Variants in LRRTM4 observed in about 807,000 individuals in gnomAD.
LRRTM4 encodes the protein leucine rich repeat transmembrane neuronal 4.
A neutral mutation model predicts 47.6 loss-of-function variants in LRRTM4; 25 were observed. The observed-to-expected ratio is 0.53, with a 90% CI of 0.38 to 0.73. LRRTM4 has a LOEUF of 0.73. Among genes scored for constraint, LRRTM4 ranks in the 30% least tolerant of loss-of-function variants. The pLI, the probability that LRRTM4 is intolerant of heterozygous loss-of-function variation, is 0.00. For missense variants in LRRTM4, 638 were observed against 713.4 expected (o/e 0.89, Z 1.20); for synonymous variants, 311 against 269.5 (o/e 1.15, Z -1.51).
At chr2:77,395,033 A>G (rs1673647981) in intron 3 of LRRTM4, among the ~76,000 whole-genome samples, 1 of 151,928 alleles carries the variant, frequency 6.6e-6, no homozygotes. Context: ...GTTAGAATTT[A>G]TTCTTTAAGT....
At chr2:77,159,423 A>G (rs1364517606) in intron 3 of LRRTM4, among the ~76,000 whole-genome samples, 2 of 152,006 alleles carry the variant, frequency 1.3e-5, no homozygotes, top group African/African-American at 2.4e-5. Flanking sequence ...CCTAATGTAA[A>G]TGACGAATTA....
intron 3 of LRRTM4, among the ~76,000 whole-genome samples, chr2:76,912,980 C>T (rs913669029): frequency 6.6e-6 from 1 of 152,160 alleles, no homozygotes; most frequent in Non-Finnish European, 1.5e-5. Flanking sequence ...TACCCAGTCC[C>T]AAGGATTTCT....
intron 3 of LRRTM4, among the ~76,000 whole-genome samples, chr2:77,141,979 T>C (rs1191729243): frequency 6.6e-6 from 1 of 152,170 alleles, no homozygotes; most frequent in Non-Finnish European, 1.5e-5. Context: ...CATTCATGAC[T>C]AGAATTCACA....
intron 3 of LRRTM4, among the ~76,000 whole-genome samples, chr2:77,516,451 T>C (rs1344004349): frequency 6.6e-6 from 1 of 151,808 alleles, no homozygotes; most frequent in African/African-American, 2.4e-5. Context: ...TTCTTGGTGA[T>C]TCTTAAACAT....
intron 3 of LRRTM4, among the ~76,000 whole-genome samples, chr2:77,486,349 G>C (rs1293388873): frequency 1.3e-5 from 2 of 152,064 alleles, no homozygotes; most frequent in African/African-American, 4.8e-5. Flanking sequence ...TTGGTAAATT[G>C]CCTTCCATTC....
At chr2:77,064,051 A>C (rs919094851) in intron 3 of LRRTM4, among the ~76,000 whole-genome samples, 1 of 152,202 alleles carries the variant, frequency 6.6e-6, no homozygotes, top group African/African-American at 2.4e-5. Context: ...AGGAGCAAGA[A>C]ATTCTTATAA....
chr2:77,151,265 C>T (rs892921609), intron 3 of LRRTM4, among the ~76,000 whole-genome samples: 13 of 152,018 alleles, frequency 8.6e-5, no homozygotes, highest in South Asian at 2.1e-4. Flanking sequence ...GTAGACTCCT[C>T]GAATTTATTC....
At chr2:77,015,562 G>A (rs370227619) in intron 3 of LRRTM4, among the ~76,000 whole-genome samples, 19 of 152,006 alleles carry the variant, frequency 1.2e-4, no homozygotes, top group East Asian at 7.8e-4. Context: ...CTGACCTTGT[G>A]ATCCACCCGC....
intron 3 of LRRTM4, among the ~76,000 whole-genome samples, chr2:76,836,461 G>A (rs771714361): frequency 1.4e-4 from 22 of 151,850 alleles, no homozygotes; most frequent in Middle Eastern, 6.8e-3. Context: ...ACTTTCCTGT[G>A]TTATTTCTCA....
intron 3 of LRRTM4, among the ~76,000 whole-genome samples, chr2:76,842,727 T>G (rs542804875): frequency 2.0e-5 from 3 of 152,112 alleles, no homozygotes; most frequent in African/African-American, 2.4e-5. Flanking sequence ...AAAAGTTTTT[T>G]TTTGTTTGTT....
chr2:77,325,471 G>C (rs565436014), intron 3 of LRRTM4, among the ~76,000 whole-genome samples: 2 of 152,272 alleles, frequency 1.3e-5, no homozygotes, highest in Admixed American at 1.3e-4. Flanking sequence ...GAAAGGACTG[G>C]AAATAAAATT....
intron 3 of LRRTM4, among the ~76,000 whole-genome samples, chr2:77,226,959 T>C (rs1341173866): frequency 1.3e-5 from 2 of 152,068 alleles, no homozygotes; most frequent in African/African-American, 4.8e-5. Context: ...CTCCAGGTTA[T>C]ATTTTCAATA....
chr2:76,936,479 T>G (rs573844979), intron 3 of LRRTM4, among the ~76,000 whole-genome samples: 26 of 151,400 alleles, frequency 1.7e-4, no homozygotes, highest in Admixed American at 1.3e-4. Context: ...GAGAAATATC[T>G]AATGTAGATG....
chr2:77,223,003 T>C (rs11898309), intron 3 of LRRTM4, among the ~76,000 whole-genome samples: 30,092 of 151,888 alleles, frequency 0.2, 5,760 homozygotes, highest in African/African-American at 0.49. Flanking sequence ...AAAAAGCTTA[T>C]CCACCATGAT....
intron 3 of LRRTM4, among the ~76,000 whole-genome samples, chr2:77,276,492 G>T (rs1485883883): frequency 6.7e-6 from 1 of 149,356 alleles, no homozygotes; most frequent in African/African-American, 2.5e-5. Context: ...TACAACTATA[G>T]TGTGATATAT....
At chr2:77,206,187 T>C (rs1252753626) in intron 3 of LRRTM4, among the ~76,000 whole-genome samples, 1 of 151,110 alleles carries the variant, frequency 6.6e-6, no homozygotes, top group East Asian at 1.9e-4. Flanking sequence ...CTATTTTTTT[T>C]TTTTTTTTTG....
At chr2:76,776,023 T>C (rs904356076) in intron 3 of LRRTM4, among the ~76,000 whole-genome samples, 7 of 152,114 alleles carry the variant, frequency 4.6e-5, no homozygotes, top group African/African-American at 1.7e-4. Flanking sequence ...TTTTTTGTTC[T>C]TGCAGTAGTT....
At chr2:76,874,214 A>G (rs766440467) in intron 3 of LRRTM4, among the ~76,000 whole-genome samples, 6 of 151,590 alleles carry the variant, frequency 4.0e-5, no homozygotes, top group Non-Finnish European at 7.4e-5. Context: ...TTCATGTCTC[A>G]TCTTAGAAAA....
chr2:76,920,516 G>T (rs758674113), intron 3 of LRRTM4, among the ~76,000 whole-genome samples: 4 of 152,096 alleles, frequency 2.6e-5, no homozygotes, highest in Non-Finnish European at 4.4e-5. Flanking sequence ...TTGGAACCTG[G>T]AGAAGACTTC....
Sources: gnomAD v4.1 joint callset for allele counts (sites outside exome capture counted in the v4.1 genomes callset) on GRCh38, gnomAD v4.1.1 for gene constraint, MANE v1.5 for transcripts, NCBI Gene and HGNC (gene_info 2026-07-23, HGNC 2026-07-21) for gene names.